Variants in SLC4A7 observed in about 807,000 individuals in gnomAD.
SLC4A7 encodes sodium bicarbonate cotransporter 3.
Under a neutral mutation model 137.6 loss-of-function variants are expected in SLC4A7, and 51 were observed. That is an observed-to-expected ratio of 0.37 (90% CI 0.30 to 0.47). The LOEUF (loss-of-function observed/expected upper bound fraction) is 0.47. Among genes scored for constraint, SLC4A7 ranks in the 20% least tolerant of loss-of-function variants. SLC4A7 has a pLI of 1.00. For synonymous variants in SLC4A7, 542 were observed against 518.6 expected, an observed-to-expected ratio of 1.05 and a Z score of -0.61; for missense variants, 1,247 against 1,525.4, an observed-to-expected ratio of 0.82 and a Z score of 3.04.
intron 5 of SLC4A7, among the ~76,000 whole-genome samples, chr3:27,434,526 G>A (rs147716874): frequency 1.0e-3 from 158 of 152,224 alleles, no homozygotes; most frequent in African/African-American, 3.7e-3. Flanking sequence ...TTCACTGAGC[G>A]TCCGCTGTGT....
At chr3:27,464,862 T>C (rs1559833447) in intron 1 of SLC4A7, among the ~76,000 whole-genome samples, 1 of 152,142 alleles carries the variant, frequency 6.6e-6, no homozygotes, top group Non-Finnish European at 1.5e-5. Flanking sequence ...GCCCCTCCTG[T>C]TCCGGGATAG....
intron 1 of SLC4A7, among the ~76,000 whole-genome samples, chr3:27,460,857 G>A (rs1192317700): frequency 6.6e-6 from 1 of 152,016 alleles, no homozygotes; most frequent in East Asian, 1.9e-4. Flanking sequence ...TTGTTTCTTT[G>A]TTTTTCCACT....
chr3:27,403,484 A>T (rs1294832850), intron 14 of SLC4A7, 100 bp from the exon 15 acceptor site: 11 of 707,146 alleles, frequency 1.6e-5, no homozygotes, highest in Non-Finnish European at 2.6e-5. Flanking sequence ...AGAAAACACG[A>T]TTCCTAAAAG....
intron 14 of SLC4A7, among the ~76,000 whole-genome samples, chr3:27,403,786 G>A (rs1419915023): frequency 6.6e-6 from 1 of 152,098 alleles, no homozygotes; most frequent in Admixed American, 6.6e-5. Flanking sequence ...GACATCATAT[G>A]TATCAATACA....
chr3:27,421,324 C>T (rs2054952047), intron 9 of SLC4A7, among the ~76,000 whole-genome samples: 1 of 151,670 alleles, frequency 6.6e-6, no homozygotes, highest in Admixed American at 6.6e-5. Flanking sequence ...GGCAAAACAC[C>T]ATATCTACTA....
chr3:27,373,393 A>G lies in SLC4A7; in HGVS notation c.*3371T>C, dbSNP rs1216562225. On this transcript the variant is annotated 3_prime_UTR_variant, in exon 26 of 26. Coordinates refer to ENST00000454389, the MANE Select transcript of SLC4A7 (RefSeq NM_001321103.2). ...CTTAAAGTCTTTAAACTTACTTTCTAAAATAAATAATTGTTGGAATAAACC... is the reference window on the plus strand; with the variant it reads ...CTTAAAGTCTTTAAACTTACTTTCTGAAATAAATAATTGTTGGAATAAACC... 2 of 152,200 alleles carry G rather than the reference A, an allele frequency of 1.3e-5. No homozygotes were observed. The highest frequency in any genetic ancestry group is 4.8e-5 in the African/African-American group (2 of 41,472). 9.4% of individuals were successfully genotyped at this position (152,200 alleles called of 1,614,324 possible). A position where few individuals can be genotyped will look rare whatever the true frequency, so the allele number is the denominator to read the frequency against.
intron 12 of SLC4A7, 113 bp downstream of exon 12, chr3:27,411,529 A>C: frequency 2.4e-6 from 1 of 412,062 alleles, no homozygotes; most frequent in Non-Finnish European, 4.3e-6. Flanking sequence ...ATTTTTATAC[A>C]TATGAAAAAA....
intron 15 of SLC4A7, among the ~76,000 whole-genome samples, chr3:27,401,253 A>G (rs367868109): frequency 1.3e-5 from 2 of 152,166 alleles, no homozygotes; most frequent in Admixed American, 6.5e-5. Context: ...TAGATTCCCA[A>G]TAAGTTATAC....
At chr3:27,419,062 A>T (rs1170026062) in intron 10 of SLC4A7, among the ~76,000 whole-genome samples, 1 of 152,204 alleles carries the variant, frequency 6.6e-6, no homozygotes, top group Non-Finnish European at 1.5e-5. Flanking sequence ...AACTGCTAAA[A>T]TACAATTCTA....
intron 7 of SLC4A7, 141 bp from the exon 8 acceptor site, chr3:27,424,293 G>T (rs775253171): frequency 2.1e-6 from 1 of 483,362 alleles, no homozygotes; most frequent in Non-Finnish European, 3.7e-6. Context: ...CCCGGTGTTA[G>T]TAACATACCA....
At chr3:27,415,331 A>G (rs1165336115) in intron 11 of SLC4A7, among the ~76,000 whole-genome samples, 1 of 152,228 alleles carries the variant, frequency 6.6e-6, no homozygotes, top group Non-Finnish European at 1.5e-5. Flanking sequence ...AGGCCTTCTC[A>G]TATAACAAAA....
Position 27,375,698 on chromosome 3 carries a change from G to A in SLC4A7, c.*1066C>T, listed in dbSNP as rs564176997. Reference sequence around the variant, plus strand: ...TTCCAAATGTTTATATAATATTTAAGCATCATATCAAAATAAATATTTTAA... The same window carrying A: ...TTCCAAATGTTTATATAATATTTAAACATCATATCAAAATAAATATTTTAA... On this transcript the variant is annotated 3_prime_UTR_variant, in exon 26 of 26. Transcript: ENST00000454389. 2.0e-4 allele frequency: 31 copies of A among 152,280 alleles called. 1 individual carries two copies. In the South Asian group the frequency reaches 6.4e-3, roughly 32 times the overall value. 9.4% of individuals were successfully genotyped at this position (152,280 alleles called of 1,614,324 possible).
At chr3:27,456,784 G>A (rs2058437721) in intron 1 of SLC4A7, 5 of 1,526,850 alleles carry the variant, frequency 3.3e-6, no homozygotes. Flanking sequence ...ACTGTGCTTT[G>A]CAGAGATGAA....
intron 1 of SLC4A7, among the ~76,000 whole-genome samples, chr3:27,474,572 A>C (rs2059388914): frequency 6.6e-6 from 1 of 151,918 alleles, no homozygotes; most frequent in African/African-American, 2.4e-5. Flanking sequence ...TTAGCCTGGC[A>C]TGGTGGCGGG....
At chr3:27,421,333 T>C (rs1247495719) in intron 9 of SLC4A7, among the ~76,000 whole-genome samples, 3 of 151,800 alleles carry the variant, frequency 2.0e-5, no homozygotes, top group African/African-American at 7.3e-5. Context: ...CCATATCTAC[T>C]ACAAATATAA....
intron 9 of SLC4A7, among the ~76,000 whole-genome samples, chr3:27,421,144 G>C (rs1481183171): frequency 6.6e-6 from 1 of 150,548 alleles, no homozygotes; most frequent in Non-Finnish European, 1.5e-5. Context: ...ATGATTTTAT[G>C]CCCTATTCAC....
Position 27,418,720 on chromosome 3 carries a change from T to A in SLC4A7, c.1513-88A>T, listed in dbSNP as rs2054634213. 1.4e-5 allele frequency: 11 copies of A among 766,640 alleles called. No individual in the cohort carries two copies. The South Asian group carries it at 2.0e-4, about 14-fold the overall frequency. The allele number at this position is 766,640 out of a possible 1,614,324, so 47.5% of individuals were successfully genotyped here. ...ATCCACTCTGGATATCATAAATAGC[T>A]TCACAATAAAGATAACCCCTAAACT... On this transcript the variant is annotated intron_variant, in intron 10 of 25. Coordinates refer to ENST00000454389, the MANE Select transcript of SLC4A7 (RefSeq NM_001321103.2).
rs1387968306 is a variant in SLC4A7, at chr3:27,376,552, G to A, written c.*212C>T. 4 of 330,870 alleles carry A rather than the reference G, an allele frequency of 1.2e-5. 1 individual carries two copies. The highest frequency in any genetic ancestry group is 2.2e-5 in the Non-Finnish European group (4 of 183,148). 20.5% of individuals were successfully genotyped at this position (330,870 alleles called of 1,614,324 possible). On this transcript the variant is annotated 3_prime_UTR_variant, in exon 26 of 26. Transcript: ENST00000454389. ...TTTTTTTCTAACAGAATAAATATTTGAATAGTTAAGAACCATGTACCTCAC... is the reference window on the plus strand; with the variant it reads ...TTTTTTTCTAACAGAATAAATATTTAAATAGTTAAGAACCATGTACCTCAC...
intron 18 of SLC4A7, 102 bp from the exon 19 acceptor site, chr3:27,395,217 G>A (rs2052016430): frequency 7.1e-6 from 5 of 709,064 alleles, no homozygotes; most frequent in South Asian, 3.1e-5. Context: ...CCCAACGAAT[G>A]GGAAATAACT....
Sources: allele counts gnomAD v4.1 joint callset (sites outside exome capture counted in the v4.1 genomes callset), GRCh38; gene constraint gnomAD v4.1.1; transcripts MANE v1.5; gene names NCBI Gene and HGNC (gene_info 2026-07-23, HGNC 2026-07-21).